The following VPS13C variants were observed in gnomAD, a reference collection of about 807,000 sequenced individuals.
The protein encoded by VPS13C is vacuolar protein sorting 13 homolog C, also known as intermembrane lipid transfer protein VPS13C.
Under a neutral mutation model 456.8 loss-of-function variants are expected in VPS13C, and 358 were observed. That is an observed-to-expected ratio of 0.78 (90% CI 0.72 to 0.86). The LOEUF (loss-of-function observed/expected upper bound fraction) is 0.86. Among genes scored for constraint, VPS13C ranks in the 40% least tolerant of loss-of-function variants. The probability of loss-of-function intolerance (pLI) is 0.00; values close to 1 mark genes in which losing one functional copy is unlikely to be tolerated. For missense variants in VPS13C, 4,818 were observed against 4,385.4 expected (o/e 1.10, Z -2.79); for synonymous variants, 1,578 against 1,486.7 (o/e 1.06, Z -1.41).
intron 66 of VPS13C, among the ~76,000 whole-genome samples, chr15:61,892,908 A>C (rs961499165): frequency 6.6e-6 from 1 of 152,226 alleles, no homozygotes; most frequent in Non-Finnish European, 1.5e-5. Flanking sequence ...GGAATCAGTT[A>C]GCTCTAAGAC....
At chr15:61,897,573 G>A (rs993591619) in intron 66 of VPS13C, among the ~76,000 whole-genome samples, 2 of 152,070 alleles carry the variant, frequency 1.3e-5, no homozygotes, top group South Asian at 2.1e-4. Context: ...AAAGAAATGA[G>A]CAAAGCCTCC....
At position 62,010,602 on chromosome 15, in the gene VPS13C, T is replaced by C. The variant is rs1032667352; in HGVS notation, c.884-3A>G. On this transcript the variant is annotated splice_polypyrimidine_tract_variant and splice_region_variant and intron_variant, in intron 12 of 84. Transcript: ENST00000644861. ...AGAGGCTGATATTGGCTGGAAAACT[T>C]ACATCACATGGGAAGACATAAGATA... 20 of 1,608,838 alleles carry C rather than the reference T, an allele frequency of 1.2e-5. No homozygotes were observed. The highest frequency in any genetic ancestry group is 1.7e-5 in the Non-Finnish European group (20 of 1,178,168).
intron 78 of VPS13C, among the ~76,000 whole-genome samples, chr15:61,872,263 A>G (rs1895091869): frequency 6.6e-6 from 1 of 152,204 alleles, no homozygotes; most frequent in Non-Finnish European, 1.5e-5. Context: ...TTTATAAAAG[A>G]AACAGGAGTA....
At chr15:61,961,431 A>T (rs928411011) in intron 35 of VPS13C, among the ~76,000 whole-genome samples, 158 bp downstream of exon 35, 7 of 142,082 alleles carry the variant, frequency 4.9e-5, no homozygotes, top group Admixed American at 3.0e-4. Flanking sequence ...ACACACACAC[A>T]CACACACACA....
At position 61,880,959 on chromosome 15, in the gene VPS13C, GA is replaced by G. The variant is rs764783189; in HGVS notation, c.9777-6del. ...TGAATGAGGACCATAAAATACCTAA[GA>G]AAAAAAATTTAAAATGGAAAAGGAT... On this transcript the variant is annotated splice_polypyrimidine_tract_variant and splice_region_variant and intron_variant, in intron 71 of 84. Transcript: ENST00000644861. 4 of 1,568,150 alleles carry G rather than the reference GA, an allele frequency of 2.6e-6. No individual in the cohort carries two copies. Among genetic ancestry groups the G allele is most frequent in the East Asian group, 2.3e-5 (1 of 44,074 alleles).
At chr15:61,983,260 C>A (rs568823183) in intron 20 of VPS13C, among the ~76,000 whole-genome samples, 2 of 152,162 alleles carry the variant, frequency 1.3e-5, no homozygotes, top group Admixed American at 6.5e-5. Flanking sequence ...GTGGGGCGAA[C>A]CTACAAGTGA....
chr15:61,955,239 A>G (rs2044947671), intron 37 of VPS13C, among the ~76,000 whole-genome samples: 1 of 152,260 alleles, frequency 6.6e-6, no homozygotes, highest in Admixed American at 6.6e-5. Flanking sequence ...GGACTGTTCT[A>G]TTTAATTCTT....
At chr15:61,914,895 A>C (rs2043417706) in intron 61 of VPS13C, among the ~76,000 whole-genome samples, 1 of 150,736 alleles carries the variant, frequency 6.6e-6, no homozygotes, top group African/African-American at 2.4e-5. Context: ...AAAAAAAAAA[A>C]AAAAAAAAAA....
rs374917283 is a variant in VPS13C at position 62,010,492 on chromosome 15, T to C, written c.991A>G (p.Ile331Val). ...CATACCTGAGGTTTGGTCAGTTCAA[T>C]GGCAATATTTTGTATTTCTATGTTG... Reference protein sequence around the residue: ...DCNIEIQNIAIELTKPQYLSM... With the variant: ...DCNIEIQNIAVELTKPQYLSM... The change falls in exon 13 of 85, where the codon ATT becomes GTT. Residue 331 changes from isoleucine to valine, a missense_variant. Ile to Val is a conservative substitution (Grantham distance 29). This residue lies in a region of VPS13C where 4,552 missense variants were observed against 4,130.6 expected (regional missense o/e 1.10). Coordinates refer to ENST00000644861, the MANE Select transcript of VPS13C (RefSeq NM_020821.3). The C allele has an allele frequency of 1.5e-5, 24 of 1,613,008 alleles. No homozygotes were observed. The Admixed American group carries it at 2.0e-4, about 13-fold the overall frequency.
intron 1 of VPS13C, among the ~76,000 whole-genome samples, chr15:62,050,272 G>A (rs187202634): frequency 1.1e-3 from 166 of 152,290 alleles, no homozygotes; most frequent in African/African-American, 3.3e-3. Flanking sequence ...ATCCTACCAA[G>A]TCTAAACAGA....
Position 61,964,756 on chromosome 15 carries a change from C to G in VPS13C, c.3157G>C (p.Ala1053Pro). Reference protein sequence around the residue: ...IPSDDQSISVAKEVQISTEKQ... With the variant: ...IPSDDQSISVPKEVQISTEKQ... The stretch of plus-strand genomic sequence containing the variant: ...TCAGTTGAAATTTGTACCTCCTTAG[C>G]AACACTTATGCTTTGATCATCAGAT... The change falls in exon 31 of 85, where the codon GCT becomes CCT. Residue 1053 changes from alanine (A) to proline (P), a missense_variant. Around this residue, in one of 3 missense-constraint regions of VPS13C, gnomAD observed 4,552 missense variants for 4,130.6 expected, o/e 1.10. Coordinates refer to ENST00000644861, the MANE Select transcript of VPS13C (RefSeq NM_020821.3). The G allele has an allele frequency of 6.2e-7, 1 of 1,612,070 alleles. No homozygotes were observed. Among genetic ancestry groups the G allele is most frequent in the East Asian group, 2.2e-5 (1 of 44,828 alleles).
rs35800911 is a variant in VPS13C at position 61,996,868 on chromosome 15, TACACAC to T, written c.1353+3690_1353+3695del. On this transcript the variant is annotated intron_variant, in intron 16 of 84. Transcript: ENST00000644861. ...TGAACAGAGCACCAAAAGGTCTAAA[TACACAC>T]ACACACACACACACACACACACATA... Among the ~76,000 whole-genome samples the T allele has an allele frequency of 3.6e-4, 52 of 143,888 alleles. 1 individual carries two copies. In the East Asian group the frequency reaches 6.5e-3, roughly 18 times the overall value. 94.4% of individuals were successfully genotyped at this position (143,888 alleles called of 152,430 possible).
chr15:61,876,749 T>G (rs1339584492), intron 75 of VPS13C, among the ~76,000 whole-genome samples: 1 of 151,894 alleles, frequency 6.6e-6, no homozygotes, highest in African/African-American at 2.4e-5. Context: ...GGTAAAAGTA[T>G]AATTGCAAAG....
chr15:62,016,353 T>C (rs945508799), intron 9 of VPS13C, among the ~76,000 whole-genome samples: 15 of 152,060 alleles, frequency 9.9e-5, no homozygotes, highest in African/African-American at 3.1e-4. Flanking sequence ...ACATGTGCCA[T>C]GCTGGTGTGC....
rs978518235 is a variant in VPS13C at position 61,852,667 on chromosome 15, G to T, written c.*1790C>A. ...AAAAACACAAAACACTAGAACAGTT[G>T]CTATGAAATTACTGATAATGATCCC... is the stretch of plus-strand genomic sequence containing the variant. On this transcript the variant is annotated 3_prime_UTR_variant, in exon 85 of 85. Coordinates refer to ENST00000644861, the MANE Select transcript of VPS13C (RefSeq NM_020821.3). 3.3e-5 allele frequency: 5 copies of T among 152,096 alleles called. No homozygotes were observed. Among genetic ancestry groups the T allele is most frequent in the African/African-American group, 1.2e-4 (5 of 41,418 alleles). The allele number at this position is 152,096 out of a possible 1,614,324, so 9.4% of individuals were successfully genotyped here.
intron 49 of VPS13C, among the ~76,000 whole-genome samples, chr15:61,933,080 A>C (rs186622938): frequency 9.8e-4 from 150 of 152,328 alleles, no homozygotes; most frequent in African/African-American, 3.0e-3. Flanking sequence ...AAGAGTTTCA[A>C]ATAAAGCAGC....
At chr15:62,023,267 A>G in intron 8 of VPS13C, 144 bp downstream of exon 8, 1 of 413,776 alleles carries the variant, frequency 2.4e-6, no homozygotes, top group Non-Finnish European at 4.3e-6. Flanking sequence ...AACGAGGCTA[A>G]CACAAGAGGA....
intron 47 of VPS13C, among the ~76,000 whole-genome samples, chr15:61,939,722 C>G (rs1196199567): frequency 6.6e-6 from 1 of 152,122 alleles, no homozygotes; most frequent in Non-Finnish European, 1.5e-5. Context: ...GGCCGGAGCA[C>G]GGTGGCTCAC....
At chr15:61,960,277 G>C (rs2045150808) in intron 35 of VPS13C, among the ~76,000 whole-genome samples, 1 of 152,156 alleles carries the variant, frequency 6.6e-6, no homozygotes, top group Admixed American at 6.6e-5. Context: ...TAGTAGTCAT[G>C]TAGTCATAAA....
Sources: allele counts gnomAD v4.1 joint callset (sites outside exome capture counted in the v4.1 genomes callset), GRCh38; gene constraint gnomAD v4.1.1; regional missense constraint gnomAD v4.1.1; transcripts MANE v1.5; gene names NCBI Gene and HGNC (gene_info 2026-07-23, HGNC 2026-07-21).